Variants in EPHA5 observed in about 807,000 individuals in gnomAD.
EPHA5 encodes the protein EPH receptor A5.
Under a neutral mutation model 105.0 loss-of-function variants are expected in EPHA5, and 60 were observed. The ratio of observed to expected loss-of-function variants is 0.57; its 90% CI spans 0.46 to 0.71. The LOEUF (loss-of-function observed/expected upper bound fraction) is 0.71, where lower values mean the gene tolerates loss of function less well. Among genes scored for constraint, EPHA5 ranks in the 30% least tolerant of loss-of-function variants. EPHA5 has a pLI of 0.00. For synonymous variants in EPHA5, 513 were observed against 449.1 expected (o/e 1.14, Z -1.80); for missense variants, 1,218 against 1,274.7 (o/e 0.96, Z 0.68).
At chr4:65,600,390 A>G (rs35499800) in intron 3 of EPHA5, among the ~76,000 whole-genome samples, 37,239 of 152,076 alleles carry the variant, frequency 0.24, 5,263 homozygotes, top group East Asian at 0.56. Context: ...GCATGGAAAA[A>G]CAACAGAATT....
At chr4:65,493,830 GA>G (rs139269796) in intron 4 of EPHA5, among the ~76,000 whole-genome samples, 6 of 148,114 alleles carry the variant, frequency 4.1e-5, no homozygotes, top group African/African-American at 9.9e-5. Flanking sequence ...CATTTATGCT[GA>G]AAAAAAAAGA....
intron 5 of EPHA5, among the ~76,000 whole-genome samples, chr4:65,456,636 G>C (rs1021068753): frequency 1.3e-5 from 2 of 151,922 alleles, no homozygotes; most frequent in Non-Finnish European, 2.9e-5. Flanking sequence ...AACATAAAAG[G>C]TGCATGAGAA....
At chr4:65,523,994 C>T (rs1057376984) in intron 3 of EPHA5, among the ~76,000 whole-genome samples, 6 of 151,888 alleles carry the variant, frequency 4.0e-5, no homozygotes, top group African/African-American at 1.4e-4. Context: ...TAATTCAAAA[C>T]AATGAACTAG....
intron 3 of EPHA5, among the ~76,000 whole-genome samples, chr4:65,500,887 T>C (rs1387479292): frequency 1.3e-5 from 2 of 151,090 alleles, no homozygotes; most frequent in African/African-American, 2.4e-5. Context: ...GCACAGACTA[T>C]CGTTGTTTGC....
intron 2 of EPHA5, among the ~76,000 whole-genome samples, chr4:65,604,517 A>T (rs1277849884): frequency 6.6e-6 from 1 of 152,210 alleles, no homozygotes; most frequent in African/African-American, 2.4e-5. Context: ...GTTTAATTTA[A>T]ATAATTATGG....
intron 2 of EPHA5, among the ~76,000 whole-genome samples, chr4:65,627,669 T>A (rs1372694925): frequency 6.6e-6 from 1 of 152,160 alleles, no homozygotes; most frequent in African/African-American, 2.4e-5. Flanking sequence ...CTAACCATAT[T>A]ATGCCTTGTT....
chr4:65,387,893 A>T (rs532818701), intron 8 of EPHA5, among the ~76,000 whole-genome samples: 6 of 150,182 alleles, frequency 4.0e-5, no homozygotes, highest in East Asian at 2.0e-4. Context: ...TGTATACATG[A>T]GCCATGCTGG....
chr4:65,432,151 A>T (rs1725036767), intron 5 of EPHA5, among the ~76,000 whole-genome samples: 1 of 152,188 alleles, frequency 6.6e-6, no homozygotes. Context: ...TTTAATGATT[A>T]ACTGTACATT....
chr4:65,520,226 CA>C (rs1734551878), intron 3 of EPHA5, among the ~76,000 whole-genome samples: 1 of 151,992 alleles, frequency 6.6e-6, no homozygotes. Flanking sequence ...TAATACCACA[CA>C]TCTACAACCA....
chr4:65,551,885 C>T lies in EPHA5; in HGVS notation c.910+49756G>A, dbSNP rs920730016. 3.3e-5 allele frequency among the ~76,000 whole-genome samples: 5 copies of T among 151,998 alleles called. No homozygotes were observed. The East Asian group carries it at 5.8e-4, about 18-fold the overall frequency. On this transcript the variant is annotated intron_variant, in intron 3 of 16. Coordinates refer to ENST00000613740, the MANE Select transcript of EPHA5 (RefSeq NM_001281766.3). ...TCAGAAGCTAATGGTTAATAAATTA[C>T]GTTAAAATTTTTAGTAAAATATTTA...
rs1013206654 is a variant in EPHA5 at position 65,381,768 on chromosome 4, C to T, written c.1794-14344G>A. ...TTGGAAGCTGATAAGATCATAAGTG[C>T]CCAGCCCTCTTGAATGAGGTCAGTT... On this transcript the variant is annotated intron_variant, in intron 8 of 16. Coordinates refer to ENST00000613740, the MANE Select transcript of EPHA5 (RefSeq NM_001281766.3). 2.0e-5 allele frequency among the ~76,000 whole-genome samples: 3 copies of T among 151,636 alleles called. No individual in the cohort carries two copies. The East Asian group carries it at 5.8e-4, about 30-fold the overall frequency.
At chr4:65,387,504 T>C (rs1379000507) in intron 8 of EPHA5, among the ~76,000 whole-genome samples, 1 of 151,950 alleles carries the variant, frequency 6.6e-6, no homozygotes, top group Non-Finnish European at 1.5e-5. Flanking sequence ...TTTTTCCCTA[T>C]TGGGGCTGAA....
intron 3 of EPHA5, 125 bp downstream of exon 3, chr4:65,601,516 T>C: frequency 1.0e-6 from 1 of 977,684 alleles, no homozygotes; most frequent in Non-Finnish European, 1.5e-6. Context: ...AAATAAAACT[T>C]GAGAGAAATA....
In EPHA5 at chr4:65,574,613, C is replaced by CACATATATATATACAT. The variant is rs1560717274; in HGVS notation, c.910+27027_910+27028insATGTATATATATATGT. On this transcript the variant is annotated intron_variant, in intron 3 of 16. Coordinates refer to ENST00000613740, the MANE Select transcript of EPHA5 (RefSeq NM_001281766.3). The stretch of plus-strand genomic sequence containing the variant: ...CTATATATTGCTGTATATATATATA[C>CACATATATATATACAT]ATATATATATATACACATATATATA... Among the ~76,000 whole-genome samples the CACATATATATATACAT allele has an allele frequency of 2.8e-4, 30 of 108,292 alleles. 2 individuals carry two copies. Among genetic ancestry groups the CACATATATATATACAT allele is most frequent in the Non-Finnish European group, 3.9e-4 (20 of 51,426 alleles). The allele number at this position is 108,292 out of a possible 152,430, so 71.0% of individuals were successfully genotyped here. A position where few individuals can be genotyped will look rare whatever the true frequency, so the allele number is the denominator to read the frequency against.
intron 2 of EPHA5, among the ~76,000 whole-genome samples, chr4:65,638,780 G>A (rs1747385250): frequency 6.6e-6 from 1 of 152,074 alleles, no homozygotes; most frequent in South Asian, 2.1e-4. Context: ...CTGAATGAAT[G>A]GAGCAATAGG....
At chr4:65,413,756 A>G (rs1026493222) in intron 7 of EPHA5, among the ~76,000 whole-genome samples, 2 of 152,156 alleles carry the variant, frequency 1.3e-5, no homozygotes, top group Non-Finnish European at 2.9e-5. Context: ...CGCTATTTTT[A>G]TAGAGAAAAA....
At chr4:65,661,622 C>A (rs1008514188) in intron 1 of EPHA5, among the ~76,000 whole-genome samples, 2 of 152,054 alleles carry the variant, frequency 1.3e-5, no homozygotes, top group Non-Finnish European at 2.9e-5. Context: ...TCAGCCTCAC[C>A]TTTTCTGCTA....
intron 3 of EPHA5, among the ~76,000 whole-genome samples, chr4:65,515,436 C>T (rs961361451): frequency 9.9e-5 from 15 of 152,180 alleles, no homozygotes; most frequent in African/African-American, 2.9e-4. Context: ...AATTTCAGGA[C>T]AACAAGTATC....
At position 65,336,031 on chromosome 4, in the gene EPHA5, TC is replaced by T. The variant is rs1421643810; in HGVS notation, c.2689del (p.Glu897SerfsTer11). ...ATCAAACTTGGGCCTGCTATTTCGC[TC>T]TTTCTGCCAGCAATCCAGCATTAAC... ...YQLMLDCWQK[E>X]RNSRPKFDEI... On this transcript the variant is annotated frameshift_variant, in exon 15 of 17. Transcript: ENST00000613740. LOFTEE classifies it high-confidence loss of function. The T allele has an allele frequency of 6.2e-7, 1 of 1,613,278 alleles. No homozygotes were observed. The highest frequency in any genetic ancestry group is 8.5e-7 in the Non-Finnish European group (1 of 1,179,640).
Sources: allele counts gnomAD v4.1 joint callset (sites outside exome capture counted in the v4.1 genomes callset), GRCh38; gene constraint gnomAD v4.1.1; transcripts MANE v1.5; gene names NCBI Gene and HGNC (gene_info 2026-07-23, HGNC 2026-07-21).